TTBK2: variants seen among roughly 807,000 people sequenced by gnomAD.
The protein encoded by TTBK2 is tau tubulin kinase 2, also known as tau-tubulin kinase 2.
A neutral mutation model predicts 110.8 loss-of-function variants in TTBK2; 28 were observed. That is an observed-to-expected ratio of 0.25 (90% CI 0.19 to 0.35). TTBK2 has a LOEUF of 0.35. Ranked by LOEUF, TTBK2 falls within the 10% of genes least tolerant of loss-of-function variation. The probability of loss-of-function intolerance (pLI) is 1.00; values close to 1 mark genes in which losing one functional copy is unlikely to be tolerated. For missense variants in TTBK2, 1,369 were observed against 1,500.3 expected (o/e 0.91, Z 1.45); for synonymous variants, 532 against 527.3 (o/e 1.01, Z -0.12).
chr15:42,801,128 G>T, intron 9 of TTBK2: 1 of 968,950 alleles, frequency 1.0e-6, no homozygotes, highest in Non-Finnish European at 1.7e-6. Flanking sequence ...GGCTTGTGAG[G>T]CCCCCATAGG....
chr15:42,774,123 T>C (rs1889796835), intron 13 of TTBK2, among the ~76,000 whole-genome samples: 2 of 152,248 alleles, frequency 1.3e-5, no homozygotes, highest in African/African-American at 4.8e-5. Context: ...ACACAAAATG[T>C]ATTTTCACTG....
intron 4 of TTBK2, among the ~76,000 whole-genome samples, chr15:42,831,058 GTA>G (rs1892740363): frequency 6.6e-6 from 1 of 150,512 alleles, no homozygotes; most frequent in African/African-American, 2.5e-5. Flanking sequence ...GTGTGATCAA[GTA>G]TATAGAATGC....
intron 10 of TTBK2, among the ~76,000 whole-genome samples, chr15:42,785,274 C>A (rs1486956854): frequency 6.6e-6 from 1 of 152,096 alleles, no homozygotes; most frequent in Non-Finnish European, 1.5e-5. Context: ...CATGCACCAC[C>A]ATGCCCAGCT....
At chr15:42,886,127 C>T (rs1056760100) in intron 1 of TTBK2, among the ~76,000 whole-genome samples, 2 of 152,120 alleles carry the variant, frequency 1.3e-5, no homozygotes, top group Admixed American at 6.5e-5. Context: ...CAGTCTCCAC[C>T]CCAAGCTCTG....
rs534040741 is a variant in TTBK2, at chr15:42,868,221, G to A, written c.217+4390C>T. Among the ~76,000 whole-genome samples the A allele has an allele frequency of 2.0e-5, 3 of 152,164 alleles. No individual in the cohort carries two copies. The South Asian group carries it at 6.2e-4, about 32-fold the overall frequency. On this transcript the variant is annotated intron_variant, in intron 3 of 14. Coordinates refer to ENST00000267890, the MANE Select transcript of TTBK2 (RefSeq NM_173500.4). ...AACTTACAATTTTTCAACTTAAATG[G>A]GTTTATCAGGACATAACCCCATCAT... is the stretch of plus-strand genomic sequence containing the variant.
At chr15:42,838,428 T>C (rs1226423147) in intron 4 of TTBK2, among the ~76,000 whole-genome samples, 3 of 151,658 alleles carry the variant, frequency 2.0e-5, no homozygotes, top group African/African-American at 7.3e-5. Flanking sequence ...AATAGAAAGG[T>C]TTCCCTCTTC....
chr15:42,799,416 T>A (rs1891082872), intron 9 of TTBK2, among the ~76,000 whole-genome samples: 1 of 151,782 alleles, frequency 6.6e-6, no homozygotes, highest in Admixed American at 6.6e-5. Flanking sequence ...TAAGGGATAT[T>A]CAACCTGTAT....
intron 14 of TTBK2, among the ~76,000 whole-genome samples, chr15:42,746,983 T>A (rs931164743): frequency 1.3e-5 from 2 of 149,854 alleles, no homozygotes; most frequent in African/African-American, 2.5e-5. Flanking sequence ...TTTTTTTTTT[T>A]AAACAGGGTC....
intron 9 of TTBK2, among the ~76,000 whole-genome samples, chr15:42,798,658 C>T (rs1427956721): frequency 1.3e-5 from 2 of 152,150 alleles, no homozygotes; most frequent in African/African-American, 4.8e-5. Flanking sequence ...CAGGAGAATA[C>T]AAAGAAATTT....
Position 42,917,483 on chromosome 15 carries a change from G to A in TTBK2, c.-68+2955C>T, listed in dbSNP as rs192381350. ...CCAGACTTTAATGAGGCAGTTTTGA[G>A]TAGTAATATGTGTTGTCCTTATGCT... On this transcript the variant is annotated intron_variant, in intron 1 of 14. Transcript: ENST00000267890. 3.9e-4 allele frequency among the ~76,000 whole-genome samples: 60 copies of A among 152,160 alleles called. 1 individual carries two copies. Among genetic ancestry groups the A allele is most frequent in the Admixed American group, 3.7e-3 (57 of 15,288 alleles).
At chr15:42,865,681 G>A (rs1204940730) in intron 3 of TTBK2, among the ~76,000 whole-genome samples, 1 of 151,774 alleles carries the variant, frequency 6.6e-6, no homozygotes, top group Non-Finnish European at 1.5e-5. Flanking sequence ...AACTTAGCTA[G>A]GCATGGCAGC....
At chr15:42,868,048 C>T (rs774611708) in intron 3 of TTBK2, among the ~76,000 whole-genome samples, 4 of 152,012 alleles carry the variant, frequency 2.6e-5, no homozygotes, top group Non-Finnish European at 4.4e-5. Context: ...GTGTATGATT[C>T]TAAATATATG....
chr15:42,796,499 G>C (rs1475535214), intron 9 of TTBK2, among the ~76,000 whole-genome samples: 4 of 152,174 alleles, frequency 2.6e-5, no homozygotes, highest in African/African-American at 4.8e-5. Context: ...CTATAGCCTA[G>C]AGTACTCCAA....
chr15:42,852,793 G>A (rs1237818976), intron 3 of TTBK2, among the ~76,000 whole-genome samples: 1 of 152,126 alleles, frequency 6.6e-6, no homozygotes, highest in Non-Finnish European at 1.5e-5. Flanking sequence ...TACACCCTTT[G>A]GTGGAACAAT....
At chr15:42,864,269 A>G (rs774807793) in intron 3 of TTBK2, among the ~76,000 whole-genome samples, 26 of 152,186 alleles carry the variant, frequency 1.7e-4, no homozygotes, top group Admixed American at 2.6e-4. Flanking sequence ...AAAACAGGCA[A>G]AGGACAAAGT....
At chr15:42,780,072 G>C (rs1890115147) in intron 11 of TTBK2, among the ~76,000 whole-genome samples, 2 of 151,710 alleles carry the variant, frequency 1.3e-5, no homozygotes, top group African/African-American at 4.8e-5. Context: ...ACCTAGGCTG[G>C]AGTGCAGTGG....
intron 1 of TTBK2, among the ~76,000 whole-genome samples, chr15:42,917,848 TGACTA>T (rs1166765987): frequency 1.3e-5 from 2 of 152,148 alleles, no homozygotes; most frequent in African/African-American, 4.8e-5. Context: ...AATGAATACA[TGACTA>T]GAGTAATTTT....
chr15:42,901,735 T>A (rs1189532384), intron 1 of TTBK2, among the ~76,000 whole-genome samples: 1 of 151,980 alleles, frequency 6.6e-6, no homozygotes. Flanking sequence ...AAATCATATA[T>A]CTGATAAGGG....
chr15:42,823,731 T>G (rs1031080027), intron 6 of TTBK2, among the ~76,000 whole-genome samples: 3 of 148,786 alleles, frequency 2.0e-5, no homozygotes, highest in South Asian at 2.1e-4. Context: ...ATTATTTTTT[T>G]TGTGTGATTT....
Sources: allele counts gnomAD v4.1 joint callset (sites outside exome capture counted in the v4.1 genomes callset), GRCh38; gene constraint gnomAD v4.1.1; transcripts MANE v1.5; gene names NCBI Gene and HGNC (gene_info 2026-07-23, HGNC 2026-07-21).